Variants in MARCHF3 observed in about 807,000 individuals in gnomAD.
MARCHF3 encodes membrane associated ring-CH-type finger 3, also known as E3 ubiquitin-protein ligase MARCHF3.
A neutral mutation model predicts 24.2 loss-of-function variants in MARCHF3; 13 were observed. The observed-to-expected ratio is 0.54, with a 90% CI of 0.35 to 0.85. MARCHF3 has a LOEUF of 0.85. MARCHF3 is among the 40% of genes least tolerant of loss of function. The pLI is 0.01. For missense variants in MARCHF3, 276 were observed against 325.0 expected (o/e 0.85, Z 1.16); for synonymous variants, 144 against 137.3 (o/e 1.05, Z -0.34).
chr5:126,939,389 C>A (rs1385079913), intron 1 of MARCHF3, among the ~76,000 whole-genome samples: 1 of 152,154 alleles, frequency 6.6e-6, no homozygotes, highest in Non-Finnish European at 1.5e-5. Flanking sequence ...AGAACACTTA[C>A]TAACACCGTG....
intron 1 of MARCHF3, among the ~76,000 whole-genome samples, chr5:126,966,193 G>A (rs1252762918): frequency 2.0e-5 from 3 of 152,326 alleles, no homozygotes; most frequent in Non-Finnish European, 1.5e-5. Flanking sequence ...TGGGTGTTGG[G>A]TGGGGGACTG....
chr5:126,992,834 C>T (rs1336908403), intron 1 of MARCHF3, among the ~76,000 whole-genome samples: 5 of 141,580 alleles, frequency 3.5e-5, no homozygotes, highest in South Asian at 2.3e-4. Context: ...TGCAGTGGCG[C>T]GATCTCTGTT....
intron 3 of MARCHF3, 121 bp downstream of exon 3, chr5:126,914,809 C>G: frequency 1.2e-6 from 1 of 862,324 alleles, no homozygotes; most frequent in Non-Finnish European, 1.8e-6. Context: ...CACACACACA[C>G]ACAGTCACAT....
At position 126,869,970 on chromosome 5, in the gene MARCHF3, G is replaced by A. The variant is rs554729065; in HGVS notation, c.*663C>T. 6.6e-6 allele frequency: 1 copy of A among 151,798 alleles called. No homozygotes were observed. Among genetic ancestry groups the A allele is most frequent in the South Asian group, 2.1e-4 (1 of 4,788 alleles). The allele number at this position is 151,798 out of a possible 1,614,324, so 9.4% of individuals were successfully genotyped here. A position where few individuals can be genotyped will look rare whatever the true frequency, so the allele number is the denominator to read the frequency against. On this transcript the variant is annotated 3_prime_UTR_variant, in exon 5 of 5. Transcript: ENST00000308660. Reference sequence around the variant, plus strand: ...CACCATATTTTTTTTTCTCCTTAATGATATTTAAATAAACAGCTCACTGTG... The same window carrying A: ...CACCATATTTTTTTTTCTCCTTAATAATATTTAAATAAACAGCTCACTGTG...
intron 3 of MARCHF3, among the ~76,000 whole-genome samples, chr5:126,882,017 C>T (rs1178036731): frequency 6.6e-6 from 1 of 152,156 alleles, no homozygotes; most frequent in Non-Finnish European, 1.5e-5. Flanking sequence ...TATGCAATAT[C>T]TCACTAAGTC....
chr5:126,911,935 G>T (rs965776500), intron 3 of MARCHF3, among the ~76,000 whole-genome samples: 4 of 152,184 alleles, frequency 2.6e-5, no homozygotes, highest in East Asian at 1.9e-4. Flanking sequence ...GAGACCAAAA[G>T]ATGTCATGGA....
At chr5:126,947,097 T>C (rs1750050379) in intron 1 of MARCHF3, among the ~76,000 whole-genome samples, 1 of 152,236 alleles carries the variant, frequency 6.6e-6, no homozygotes, top group South Asian at 2.1e-4. Context: ...TGGAAAGTAA[T>C]GACAGAGTCC....
At chr5:126,980,970 C>T (rs980578171) in intron 1 of MARCHF3, among the ~76,000 whole-genome samples, 1 of 152,182 alleles carries the variant, frequency 6.6e-6, no homozygotes, top group Non-Finnish European at 1.5e-5. Flanking sequence ...AAGTCAAGAG[C>T]AGTTGTATGT....
chr5:126,888,329 C>A (rs945752662), intron 3 of MARCHF3, among the ~76,000 whole-genome samples: 1 of 152,160 alleles, frequency 6.6e-6, no homozygotes, highest in East Asian at 1.9e-4. Flanking sequence ...AATTAACGGG[C>A]TATAATGCTC....
At chr5:126,946,358 C>A in intron 1 of MARCHF3, 1 of 115,122 alleles carries the variant, frequency 8.7e-6, no homozygotes. Context: ...GGCCATAGAG[C>A]GAGATTCTGT....
chr5:126,979,346 T>G (rs1350048129), intron 1 of MARCHF3, among the ~76,000 whole-genome samples: 1 of 152,218 alleles, frequency 6.6e-6, no homozygotes, highest in Admixed American at 6.5e-5. Flanking sequence ...TAACTGGGTA[T>G]TCAGAGTATG....
chr5:126,879,631 C>T (rs776362479), intron 3 of MARCHF3, among the ~76,000 whole-genome samples: 16 of 152,174 alleles, frequency 1.1e-4, no homozygotes, highest in African/African-American at 3.4e-4. Context: ...AAAATCCATT[C>T]GACAATAGAT....
intron 3 of MARCHF3, among the ~76,000 whole-genome samples, chr5:126,907,849 T>C (rs1253382428): frequency 1.3e-5 from 2 of 151,816 alleles, no homozygotes; most frequent in African/African-American, 2.4e-5. Flanking sequence ...ATGTGTGAAT[T>C]TGATCCTGTC....
intron 1 of MARCHF3, among the ~76,000 whole-genome samples, chr5:127,017,503 A>C (rs1247830264): frequency 6.6e-6 from 1 of 152,208 alleles, no homozygotes. Flanking sequence ...TACACCTAGA[A>C]CATCATAGTT....
chr5:126,875,862 C>T (rs1323143628), intron 4 of MARCHF3, among the ~76,000 whole-genome samples: 1 of 152,280 alleles, frequency 6.6e-6, no homozygotes, highest in Non-Finnish European at 1.5e-5. Context: ...ATTGACCTAG[C>T]GGTTATCAAT....
intron 1 of MARCHF3, among the ~76,000 whole-genome samples, chr5:126,970,706 G>T (rs1275510709): frequency 1.3e-5 from 2 of 152,170 alleles, no homozygotes; most frequent in Admixed American, 6.5e-5. Context: ...ACTGTGTTGG[G>T]CAAAAGAGTG....
At chr5:127,007,346 T>TAA (rs34412363) in intron 1 of MARCHF3, among the ~76,000 whole-genome samples, 1 of 137,050 alleles carries the variant, frequency 7.3e-6, no homozygotes. Context: ...TGCATACAAG[T>TAA]AAAAAAAAAA....
At chr5:126,917,867 C>T in intron 2 of MARCHF3, 117 bp downstream of exon 2, 1 of 993,542 alleles carries the variant, frequency 1.0e-6, no homozygotes, top group Non-Finnish European at 1.4e-6. Flanking sequence ...TTTTCCAGCA[C>T]CTCCTCTCAC....
chr5:127,010,886 G>A (rs767763059), intron 1 of MARCHF3, among the ~76,000 whole-genome samples: 30 of 152,028 alleles, frequency 2.0e-4, no homozygotes, highest in Admixed American at 1.1e-3. Flanking sequence ...GGAGAATGGC[G>A]GTTGCTAGGA....
Sources: allele counts gnomAD v4.1 joint callset (sites outside exome capture counted in the v4.1 genomes callset), GRCh38; gene constraint gnomAD v4.1.1; transcripts MANE v1.5; gene names NCBI Gene and HGNC (gene_info 2026-07-23, HGNC 2026-07-21).